ST6GALNAC3: variants seen among roughly 807,000 people sequenced by gnomAD.
ST6GALNAC3 encodes ST6 N-acetylgalactosaminide alpha-2,6-sialyltransferase 3.
A neutral mutation model predicts 32.7 loss-of-function variants in ST6GALNAC3; 25 were observed. The ratio of observed to expected loss-of-function variants is 0.76; its 90% confidence interval spans 0.56 to 1.07. The LOEUF (loss-of-function observed/expected upper bound fraction) is 1.07, where lower values mean the gene tolerates loss of function less well. ST6GALNAC3 is among the 50% of genes least tolerant of loss of function. ST6GALNAC3 has a pLI of 0.00. For missense variants in ST6GALNAC3, 355 were observed against 382.4 expected (o/e 0.93, Z 0.60); for synonymous variants, 129 against 133.1 (o/e 0.97, Z 0.21).
intron 3 of ST6GALNAC3, among the ~76,000 whole-genome samples, chr1:76,554,143 G>A (rs960859972): frequency 3.9e-5 from 6 of 152,060 alleles, no homozygotes; most frequent in Non-Finnish European, 7.4e-5. Flanking sequence ...AGAAAGATAC[G>A]GAACTCCTGG....
chr1:76,131,288 TG>T (rs1311140410), intron 1 of ST6GALNAC3, among the ~76,000 whole-genome samples: 1 of 152,222 alleles, frequency 6.6e-6, no homozygotes, highest in African/African-American at 2.4e-5. Context: ...CAAGGCCACT[TG>T]TTCTTCAGTG....
intron 1 of ST6GALNAC3, among the ~76,000 whole-genome samples, chr1:76,078,971 G>A (rs1646853872): frequency 6.6e-6 from 1 of 152,186 alleles, no homozygotes; most frequent in South Asian, 2.1e-4. Flanking sequence ...TAGTAGAGAC[G>A]GGGTTTCACC....
chr1:76,636,900 T>G (rs1032132146), downstream of ST6GALNAC3: 12 of 152,324 alleles, frequency 7.9e-5, no homozygotes, highest in Admixed American at 7.8e-4. Flanking sequence ...TAATGTGAAA[T>G]TTCTTTTAAG....
At chr1:76,180,827 C>T (rs1179731037) in intron 1 of ST6GALNAC3, among the ~76,000 whole-genome samples, 1 of 152,188 alleles carries the variant, frequency 6.6e-6, no homozygotes, top group Non-Finnish European at 1.5e-5. Flanking sequence ...CCACCTCCAC[C>T]ACCCAGTAAA....
chr1:76,636,187 T>C (rs190842374), downstream of ST6GALNAC3, among the ~76,000 whole-genome samples: 54 of 152,306 alleles, frequency 3.5e-4, no homozygotes, highest in African/African-American at 1.3e-3. Flanking sequence ...ATATGGTTTC[T>C]TTTGCCCAAG....
intron 1 of ST6GALNAC3, among the ~76,000 whole-genome samples, chr1:76,238,296 A>G (rs1048401224): frequency 6.6e-6 from 1 of 152,252 alleles, no homozygotes. Context: ...AATAAATTTC[A>G]TCACTCAGAC....
chr1:76,436,456 A>C (rs950478091), intron 3 of ST6GALNAC3, among the ~76,000 whole-genome samples: 8 of 152,128 alleles, frequency 5.3e-5, no homozygotes, highest in Non-Finnish European at 1.2e-4. Context: ...TTTTAATTTA[A>C]TGAGTGCTGT....
intron 1 of ST6GALNAC3, among the ~76,000 whole-genome samples, chr1:76,201,014 GATAGTA>G (rs1654485143): frequency 6.6e-6 from 1 of 151,692 alleles, no homozygotes; most frequent in Non-Finnish European, 1.5e-5. Context: ...CTGTTCATAG[GATAGTA>G]ATACAAAACA....
intron 3 of ST6GALNAC3, among the ~76,000 whole-genome samples, chr1:76,624,923 A>T (rs1303204852): frequency 6.6e-6 from 1 of 151,972 alleles, no homozygotes; most frequent in Non-Finnish European, 1.5e-5. Context: ...TTTGCTCATT[A>T]CAACATCCAA....
chr1:76,078,391 G>A (rs1433209556), intron 1 of ST6GALNAC3, among the ~76,000 whole-genome samples: 1 of 152,118 alleles, frequency 6.6e-6, no homozygotes, highest in Non-Finnish European at 1.5e-5. Flanking sequence ...TGCATGCTGA[G>A]GGCCCATTCT....
chr1:76,348,854 A>G (rs1462975627), intron 2 of ST6GALNAC3, among the ~76,000 whole-genome samples: 1 of 152,236 alleles, frequency 6.6e-6, no homozygotes, highest in African/African-American at 2.4e-5. Flanking sequence ...TACATATACA[A>G]TACTTAACTT....
chr1:76,331,683 C>CAGCT (rs1647189405), intron 2 of ST6GALNAC3, among the ~76,000 whole-genome samples: 1 of 152,198 alleles, frequency 6.6e-6, no homozygotes, highest in African/African-American at 2.4e-5. Context: ...TCACCACCTC[C>CAGCT]AGCTAATCAG....
rs1420457649 is a variant in ST6GALNAC3, at chr1:76,116,974, A to G, written c.18+42090A>G. Among the ~76,000 whole-genome samples, 3 of 152,102 alleles carry G rather than the reference A, an allele frequency of 2.0e-5. No individual in the cohort carries two copies. The East Asian group carries it at 5.8e-4, about 29-fold the overall frequency. ...TAAAATAAAGTAAAATCAAGCAGAG[A>G]TAGGATATTCCTGGGCTCTCCACAT... On this transcript the variant is annotated intron_variant, in intron 1 of 4. Transcript: ENST00000328299.
intron 3 of ST6GALNAC3, among the ~76,000 whole-genome samples, chr1:76,513,895 A>G (rs1662019722): frequency 6.6e-6 from 1 of 152,106 alleles, no homozygotes; most frequent in Admixed American, 6.6e-5. Flanking sequence ...GTTTATTCCT[A>G]GACATCTTAA....
intron 1 of ST6GALNAC3, among the ~76,000 whole-genome samples, chr1:76,090,326 G>A (rs1367367922): frequency 2.6e-5 from 4 of 152,188 alleles, no homozygotes; most frequent in South Asian, 2.1e-4. Context: ...GCTTAGTTCA[G>A]GTCAGACCTG....
intron 3 of ST6GALNAC3, among the ~76,000 whole-genome samples, chr1:76,448,686 G>A (rs1053241520): frequency 6.6e-6 from 1 of 152,134 alleles, no homozygotes; most frequent in Non-Finnish European, 1.5e-5. Context: ...TTTTTAAAAA[G>A]GGGAGTTGCC....
chr1:76,147,255 G>A (rs181057985), intron 1 of ST6GALNAC3, among the ~76,000 whole-genome samples: 15 of 152,034 alleles, frequency 9.9e-5, no homozygotes, highest in Non-Finnish European at 1.8e-4. Context: ...TAGAGACAGG[G>A]TTTCCCCATG....
chr1:76,573,279 A>T (rs1305130980), intron 3 of ST6GALNAC3, among the ~76,000 whole-genome samples: 1 of 152,128 alleles, frequency 6.6e-6, no homozygotes, highest in African/African-American at 2.4e-5. Context: ...TCACTTGCTG[A>T]AATGTCATAA....
intron 3 of ST6GALNAC3, among the ~76,000 whole-genome samples, chr1:76,451,731 T>C (rs1054247988): frequency 1.3e-5 from 2 of 152,232 alleles, no homozygotes; most frequent in African/African-American, 4.8e-5. Flanking sequence ...TCACTGTTTG[T>C]GTATAGCAGA....
Sources: gnomAD v4.1 joint callset for allele counts (sites outside exome capture counted in the v4.1 genomes callset) on GRCh38, gnomAD v4.1.1 for gene constraint, MANE v1.5 for transcripts, NCBI Gene and HGNC (gene_info 2026-07-23, HGNC 2026-07-21) for gene names.